TSGA10: variants seen among roughly 807,000 people sequenced by gnomAD.
TSGA10 encodes the protein testis specific 10.
Under a neutral mutation model 96.6 loss-of-function variants are expected in TSGA10, and 43 were observed. The observed-to-expected ratio is 0.44, with a 90% CI of 0.35 to 0.57. The LOEUF is 0.57. Ranked by LOEUF, TSGA10 falls within the 20% of genes least tolerant of loss-of-function variation. The probability of loss-of-function intolerance (pLI) is 0.01; values close to 1 mark genes in which losing one functional copy is unlikely to be tolerated. For missense variants in TSGA10, 703 were observed against 834.4 expected, an observed-to-expected ratio of 0.84 and a Z score of 1.94; for synonymous variants, 229 against 269.9, an observed-to-expected ratio of 0.85 and a Z score of 1.48.
chr2:99,114,997 A>AT (rs1461792295), intron 4 of TSGA10, among the ~76,000 whole-genome samples: 1 of 152,126 alleles, frequency 6.6e-6, no homozygotes, highest in Non-Finnish European at 1.5e-5. Context: ...GCGTGACGTG[A>AT]TTTTGGCTCA....
chr2:99,010,735 T>C (rs1349132420), intron 20 of TSGA10, among the ~76,000 whole-genome samples: 1 of 152,152 alleles, frequency 6.6e-6, no homozygotes, highest in African/African-American at 2.4e-5. Flanking sequence ...ACAAATTTTC[T>C]TGAGCAGAGT....
intron 20 of TSGA10, among the ~76,000 whole-genome samples, chr2:99,002,199 T>C (rs1028846082): frequency 1.3e-5 from 2 of 152,030 alleles, no homozygotes; most frequent in African/African-American, 2.4e-5. Flanking sequence ...TTCACCGAAG[T>C]TGAAATGAAG....
chr2:99,137,886 CAAAA>C (rs35439305), intron 1 of TSGA10, among the ~76,000 whole-genome samples: 11 of 115,994 alleles, frequency 9.5e-5, no homozygotes, highest in Non-Finnish European at 1.3e-4. Context: ...GACTCCATGT[CAAAA>C]AAAAAAAAAA....
intron 10 of TSGA10, among the ~76,000 whole-genome samples, chr2:99,095,609 T>G (rs999371070): frequency 6.6e-6 from 1 of 152,120 alleles, no homozygotes; most frequent in Non-Finnish European, 1.5e-5. Context: ...TAAGCTCAAT[T>G]AGAAATGAAA....
intron 20 of TSGA10, 96 bp from the exon 21 acceptor site, chr2:98,998,317 A>G (rs1278668919): frequency 9.8e-7 from 1 of 1,016,726 alleles, no homozygotes; most frequent in Non-Finnish European, 1.5e-6. Context: ...CTTCAGCAAA[A>G]CGTAAGATTT....
chr2:99,118,990 CA>C (rs909473090), intron 2 of TSGA10, among the ~76,000 whole-genome samples: 1 of 150,324 alleles, frequency 6.7e-6, no homozygotes, highest in Non-Finnish European at 1.5e-5. Flanking sequence ...ACAACAGCAA[CA>C]AAAAAAAACA....
At position 99,144,649 on chromosome 2, in the gene TSGA10, C is replaced by CAAAAAAAAAAAAAA. The variant is rs70940140; in HGVS notation, c.-621+10030_-621+10043dup. 4.8e-4 allele frequency among the ~76,000 whole-genome samples: 25 copies of CAAAAAAAAAAAAAA among 52,256 alleles called. 2 individuals carry two copies. Among genetic ancestry groups the CAAAAAAAAAAAAAA allele is most frequent in the African/African-American group, 6.4e-4 (9 of 14,122 alleles). The allele number at this position is 52,256 out of a possible 152,430, so 34.3% of individuals were successfully genotyped here. A position where few individuals can be genotyped will look rare whatever the true frequency, so the allele number is the denominator to read the frequency against. ...GGGGGACAAGAACAAAACTCTGTCT[C>CAAAAAAAAAAAAAA]AAAAAAAAAAAAAAAAAAAAAAGAT... On this transcript the variant is annotated intron_variant, in intron 1 of 20. Transcript: ENST00000393483.
intron 17 of TSGA10, 84 bp downstream of exon 17, chr2:99,035,146 A>G: frequency 5.2e-6 from 5 of 954,912 alleles, no homozygotes; most frequent in Non-Finnish European, 7.7e-6. Flanking sequence ...ATGTAATATT[A>G]CATAAAAAAG....
At chr2:99,008,634 C>T (rs925245765) in intron 20 of TSGA10, among the ~76,000 whole-genome samples, 1 of 152,192 alleles carries the variant, frequency 6.6e-6, no homozygotes, top group East Asian at 1.9e-4. Context: ...AACAAAACTA[C>T]ATGTGTATTT....
chr2:99,020,570 C>A (rs544161967), intron 17 of TSGA10, 88 bp from the exon 18 acceptor site: 17 of 940,828 alleles, frequency 1.8e-5, no homozygotes. Flanking sequence ...TTTTCATAAT[C>A]TGTTATAAAC....
intron 17 of TSGA10, among the ~76,000 whole-genome samples, chr2:99,026,249 A>G (rs1389716346): frequency 6.6e-6 from 1 of 152,172 alleles, no homozygotes; most frequent in African/African-American, 2.4e-5. Flanking sequence ...TTATTCCTAC[A>G]TAGCTGTTTT....
At chr2:99,081,965 C>T (rs564246015) in intron 10 of TSGA10, among the ~76,000 whole-genome samples, 5 of 152,226 alleles carry the variant, frequency 3.3e-5, no homozygotes, top group Non-Finnish European at 7.3e-5. Context: ...ACTACCTAGC[C>T]TTGTTTCCCA....
intron 1 of TSGA10, among the ~76,000 whole-genome samples, chr2:99,153,715 C>T (rs1014699818): frequency 6.6e-6 from 1 of 152,110 alleles, no homozygotes; most frequent in African/African-American, 2.4e-5. Flanking sequence ...AAAATTCATT[C>T]CCACCTGCAT....
chr2:99,138,844 A>G (rs1388241652), intron 1 of TSGA10, among the ~76,000 whole-genome samples: 1 of 152,226 alleles, frequency 6.6e-6, no homozygotes, highest in Non-Finnish European at 1.5e-5. Context: ...GAAGCCCTAC[A>G]GTACAGAAAC....
chr2:98,998,260 TC>T, intron 20 of TSGA10, 39 bp from the exon 21 acceptor site: 2 of 1,524,920 alleles, frequency 1.3e-6, no homozygotes, highest in Non-Finnish European at 1.8e-6. Flanking sequence ...TATTTTTAAT[TC>T]AACTTTTTCA....
intron 17 of TSGA10, among the ~76,000 whole-genome samples, chr2:99,026,260 T>A (rs2080552473): frequency 6.6e-6 from 1 of 152,202 alleles, no homozygotes; most frequent in Non-Finnish European, 1.5e-5. Flanking sequence ...TAGCTGTTTT[T>A]CTTCCTTTTC....
At chr2:99,090,581 A>G (rs1358552782) in intron 10 of TSGA10, among the ~76,000 whole-genome samples, 1 of 152,180 alleles carries the variant, frequency 6.6e-6, no homozygotes, top group Non-Finnish European at 1.5e-5. Flanking sequence ...TAAATAAAAA[A>G]CAATCACAAC....
intron 17 of TSGA10, among the ~76,000 whole-genome samples, chr2:99,022,654 T>C (rs2080151611): frequency 6.6e-6 from 1 of 152,200 alleles, no homozygotes; most frequent in Non-Finnish European, 1.5e-5. Flanking sequence ...CCATAAAAAT[T>C]TGTATACAAG....
Position 99,105,559 on chromosome 2 carries a change from T to C in TSGA10, c.349A>G (p.Thr117Ala). The C allele has an allele frequency of 1.2e-6, 2 of 1,612,386 alleles. No individual in the cohort carries two copies. Among genetic ancestry groups the C allele is most frequent in the East Asian group, 2.2e-5 (1 of 44,802 alleles). Residue 117 changes from threonine to alanine, a missense_variant, in exon 8 of 21, where the codon ACA (threonine) becomes GCA (alanine). Around this residue, in one of 3 missense-constraint regions of TSGA10, gnomAD observed 585 missense variants for 656.8 expected, o/e 0.89. Coordinates refer to ENST00000393483, the MANE Select transcript of TSGA10 (RefSeq NM_025244.4). The part of the protein sequence containing the change: ...VAFTDLRRMT[T>A]ERDSLRERLK... ...CTCTCCCTTAGACTATCTCGTTCTG[T>C]GGTCATTCTTCGTAAATCAGTAAAG... is the stretch of plus-strand genomic sequence containing the variant.
Sources: gnomAD v4.1 joint callset for allele counts (sites outside exome capture counted in the v4.1 genomes callset) on GRCh38, gnomAD v4.1.1 for gene constraint, gnomAD v4.1.1 regional missense constraint, MANE v1.5 for transcripts, NCBI Gene and HGNC (gene_info 2026-07-23, HGNC 2026-07-21) for gene names.